UBE3A: variants seen among roughly 807,000 people sequenced by gnomAD.
UBE3A encodes the protein ubiquitin protein ligase E3A, also known as ubiquitin-protein ligase E3A.
UBE3A carries 6 observed loss-of-function variants against 83.4 expected under a neutral mutation model. That is an observed-to-expected ratio of 0.07 (90% CI 0.04 to 0.14). UBE3A has a LOEUF of 0.14. Ranked by LOEUF, UBE3A falls within the 10% of genes least tolerant of loss-of-function variation. The pLI, the probability that UBE3A is intolerant of heterozygous loss-of-function variation, is 1.00. For missense variants in UBE3A, 456 were observed against 1,036.1 expected, an observed-to-expected ratio of 0.44 and a Z score of 7.69; for synonymous variants, 337 against 355.4, an observed-to-expected ratio of 0.95 and a Z score of 0.58.
At chr15:25,421,740 A>T (rs1157796593) in intron 1 of UBE3A, among the ~76,000 whole-genome samples, 3 of 151,322 alleles carry the variant, frequency 2.0e-5, no homozygotes. Flanking sequence ...AGTACCACTT[A>T]AAAAAAAACA....
chr15:25,428,406 A>G (rs1892051496), intron 1 of UBE3A, among the ~76,000 whole-genome samples: 1 of 152,196 alleles, frequency 6.6e-6, no homozygotes, highest in Non-Finnish European at 1.5e-5. Context: ...AAGCACAATC[A>G]TAAAGAAAAA....
intron 1 of UBE3A, among the ~76,000 whole-genome samples, chr15:25,436,208 G>A (rs927395641): frequency 6.6e-6 from 1 of 152,176 alleles, no homozygotes; most frequent in Non-Finnish European, 1.5e-5. Flanking sequence ...CATAAAAAGA[G>A]CACCTAAGAC....
At chr15:25,393,084 C>A (rs1394926902) in intron 4 of UBE3A, among the ~76,000 whole-genome samples, 1 of 152,042 alleles carries the variant, frequency 6.6e-6, no homozygotes, top group Non-Finnish European at 1.5e-5. Context: ...ACAAAATTTG[C>A]CTTTTCAATA....
At chr15:25,364,076 A>T (rs2078613744) in intron 6 of UBE3A, among the ~76,000 whole-genome samples, 1 of 151,556 alleles carries the variant, frequency 6.6e-6, no homozygotes, top group African/African-American at 2.4e-5. Context: ...ATAAATAAAA[A>T]ATAGTGGGGG....
chr15:25,353,724 GC>G (rs1248829767), intron 11 of UBE3A, among the ~76,000 whole-genome samples: 1 of 152,164 alleles, frequency 6.6e-6, no homozygotes, highest in Non-Finnish European at 1.5e-5. Flanking sequence ...ATCAGTAGCT[GC>G]CACTTGAACC....
At chr15:25,368,187 T>C (rs144485793) in intron 6 of UBE3A, among the ~76,000 whole-genome samples, 46 of 152,270 alleles carry the variant, frequency 3.0e-4, no homozygotes, top group Admixed American at 2.9e-3. Context: ...TCATCACTTT[T>C]GAGCTTTCAT....
At chr15:25,391,307 C>T (rs2084322248) in intron 4 of UBE3A, among the ~76,000 whole-genome samples, 1 of 151,970 alleles carries the variant, frequency 6.6e-6, no homozygotes, top group Admixed American at 6.5e-5. Flanking sequence ...ATTTTAGAGG[C>T]AAAAAGTAGA....
intron 6 of UBE3A, among the ~76,000 whole-genome samples, chr15:25,365,060 A>C (rs2078858921): frequency 6.6e-6 from 1 of 152,204 alleles, no homozygotes; most frequent in South Asian, 2.1e-4. Flanking sequence ...ATATAATCAT[A>C]TCTACCTCTT....
At chr15:25,362,433 C>T (rs1365022896) in intron 6 of UBE3A, among the ~76,000 whole-genome samples, 1 of 152,190 alleles carries the variant, frequency 6.6e-6, no homozygotes, top group Non-Finnish European at 1.5e-5. Context: ...AACCTTTAAA[C>T]TTTAGCACGC....
At chr15:25,439,025 G>A (rs960648106), upstream of UBE3A, 1 of 151,974 alleles carries the variant, frequency 6.6e-6, no homozygotes, top group Non-Finnish European at 1.5e-5. Context: ...CGGGAGGACT[G>A]GCTGGGCGGG....
At chr15:25,389,967 C>A (rs1359582483) in intron 4 of UBE3A, among the ~76,000 whole-genome samples, 1 of 152,054 alleles carries the variant, frequency 6.6e-6, no homozygotes, top group African/African-American at 2.4e-5. Flanking sequence ...AACAAACAAC[C>A]CAATTAAAAA....
Position 25,371,662 on chromosome 15 carries a change from G to C in UBE3A, c.512C>G (p.Thr171Ser), listed in dbSNP as rs1383474985. 3.1e-6 allele frequency: 5 copies of C among 1,613,778 alleles called. No individual in the cohort carries two copies. The African/African-American group carries it at 6.7e-5, about 22-fold the overall frequency. Residue 171 changes from threonine to serine, a missense_variant, in exon 6 of 13, where the codon ACC becomes AGC. Transcript: ENST00000648336. The surrounding 1 kb of genome is among the most constrained non-coding windows in gnomAD (Gnocchi z 5.3). ...TTGAAGAGATTTCAGTTCTTCCTTG[G>C]TGTGTTGTTTAACTTTCCGGAAGCT... ...VQSFRKVKQHTKEELKSLQAK... is the reference protein window; with the variant it reads ...VQSFRKVKQHSKEELKSLQAK...
rs143484751 is a variant in UBE3A, at chr15:25,371,556, T to A, written c.618A>T (p.Ala206=). 340 of 1,614,216 alleles carry A rather than the reference T, an allele frequency of 2.1e-4. 1 individual carries two copies. Among genetic ancestry groups the A allele is most frequent in the Non-Finnish European group, 2.1e-4 (248 of 1,180,032 alleles). Residue 206 remains alanine, a synonymous_variant, in exon 6 of 13, where the codon GCA becomes GCT. Coordinates refer to ENST00000648336, the MANE Select transcript of UBE3A (RefSeq NM_130839.5). The surrounding 1 kb of genome is among the most constrained non-coding windows in gnomAD (Gnocchi z 5.3). ...AGCTATCACCTATCCTTGAGGAAGATGCTTCTGAGTCTTCTTCCATAGCAG... is the reference window on the plus strand; with the variant it reads ...AGCTATCACCTATCCTTGAGGAAGAAGCTTCTGAGTCTTCTTCCATAGCAG... ...SAAAMEEDSE[A]SSSRIGDSSQ...
At chr15:25,362,940 C>T (rs1595689256) in intron 6 of UBE3A, among the ~76,000 whole-genome samples, 1 of 152,164 alleles carries the variant, frequency 6.6e-6, no homozygotes, top group South Asian at 2.1e-4. Context: ...GTGCATTCTA[C>T]AGCTTTTCCC....
At chr15:25,426,021 T>C (rs547811800) in intron 1 of UBE3A, among the ~76,000 whole-genome samples, 1 of 72,790 alleles carries the variant, frequency 1.4e-5, no homozygotes, top group Non-Finnish European at 3.5e-5. Flanking sequence ...CTCCCTTGGG[T>C]TCTTTGAAAT....
chr15:25,415,337 T>G (rs1455735512), intron 1 of UBE3A, among the ~76,000 whole-genome samples: 2 of 152,214 alleles, frequency 1.3e-5, no homozygotes, highest in Non-Finnish European at 2.9e-5. Context: ...CACATTTTAT[T>G]TGAGGCCCCT....
At chr15:25,356,609 CTT>C in intron 8 of UBE3A, 80 bp downstream of exon 8, 4 of 1,396,136 alleles carry the variant, frequency 2.9e-6, no homozygotes, top group Non-Finnish European at 2.0e-6. Context: ...TAAACAAAAA[CTT>C]TAAAATTTTG....
rs150597341 is a variant in UBE3A, at chr15:25,411,296, G to A, written c.-101+612C>T. On this transcript the variant is annotated intron_variant, in intron 2 of 12. Coordinates refer to ENST00000648336, the MANE Select transcript of UBE3A (RefSeq NM_130839.5). ...ATCTCAGAACAGTGCCTGACATAAT[G>A]TGCTCACAAATGGCTGGGCGTGGTG... is the stretch of plus-strand genomic sequence containing the variant. Among the ~76,000 whole-genome samples the A allele has an allele frequency of 3.5e-3, 533 of 152,304 alleles. 3 individuals are homozygous for A. The highest frequency in any genetic ancestry group is 0.012 in the African/African-American group (509 of 41,576).
rs953495377 is a variant in UBE3A at position 25,336,530 on chromosome 15, C to T, written c.*2607G>A. 2.0e-5 allele frequency: 3 copies of T among 151,872 alleles called. No individual in the cohort carries two copies. The highest frequency in any genetic ancestry group is 4.4e-5 in the Non-Finnish European group (3 of 67,988). 9.4% of individuals were successfully genotyped at this position (151,872 alleles called of 1,614,324 possible). On this transcript the variant is annotated 3_prime_UTR_variant, in exon 13 of 13. Transcript: ENST00000648336. ...TAACATCGGCAAGTTCTGTTCGAAG[C>T]CTTTTTCAAGTTTCTTTTTGATATG...
Sources: gnomAD v4.1 joint callset for allele counts (sites outside exome capture counted in the v4.1 genomes callset) on GRCh38, gnomAD v4.1.1 for gene constraint, Gnocchi (gnomAD v3.1) non-coding constraint, MANE v1.5 for transcripts, NCBI Gene and HGNC (gene_info 2026-07-23, HGNC 2026-07-21) for gene names.